RPS6KC1: variants seen among roughly 807,000 people sequenced by gnomAD.
RPS6KC1 encodes ribosomal protein S6 kinase C1, also known as inactive ribosomal protein S6 kinase delta-1.
RPS6KC1 carries 54 observed loss-of-function variants against 103.8 expected under a neutral mutation model. That is an observed-to-expected ratio of 0.52 (90% CI 0.42 to 0.65). The LOEUF (loss-of-function observed/expected upper bound fraction) is 0.65. Among genes scored for constraint, RPS6KC1 ranks in the 30% least tolerant of loss-of-function variants. The pLI, the probability that RPS6KC1 is intolerant of heterozygous loss-of-function variation, is 0.00. For missense variants in RPS6KC1, 1,151 were observed against 1,253.8 expected, an observed-to-expected ratio of 0.92 and a Z score of 1.24; for synonymous variants, 439 against 438.7, an observed-to-expected ratio of 1.00 and a Z score of -0.01.
chr1:213,199,970 C>T (rs1270594947), intron 8 of RPS6KC1, among the ~76,000 whole-genome samples: 1 of 152,126 alleles, frequency 6.6e-6, no homozygotes, highest in Non-Finnish European at 1.5e-5. Context: ...TAAGCCATTG[C>T]TCAAATAAAT....
chr1:213,755,409 C>G, the RPS6KC1 span, among the ~76,000 whole-genome samples: 3 of 152,318 alleles, frequency 2.0e-5, no homozygotes, highest in East Asian at 3.9e-4. Context: ...GTCCTGCCTC[C>G]CATTGGTCAA....
intron 4 of RPS6KC1, among the ~76,000 whole-genome samples, chr1:213,110,303 C>T (rs1365816554): frequency 6.6e-6 from 1 of 152,022 alleles, no homozygotes; most frequent in Non-Finnish European, 1.5e-5. Flanking sequence ...GTTGGAAAAT[C>T]TATATTTTGG....
chr1:213,072,987 G>C, intron 2 of RPS6KC1: 1 of 803,774 alleles, frequency 1.2e-6, no homozygotes, highest in Non-Finnish European at 1.5e-6. Flanking sequence ...GAAAACTCTT[G>C]TAAGTGTCTT....
At chr1:213,457,634 C>G in the RPS6KC1 span, among the ~76,000 whole-genome samples, 1 of 152,120 alleles carries the variant, frequency 6.6e-6, no homozygotes, top group African/African-American at 2.4e-5. Context: ...TAAGTAGAAG[C>G]CTGTTTAATT....
chr1:213,164,254 G>A (rs1307929752), intron 6 of RPS6KC1, among the ~76,000 whole-genome samples: 4 of 152,154 alleles, frequency 2.6e-5, no homozygotes, highest in African/African-American at 7.2e-5. Context: ...TCTGGATTCC[G>A]TTATCTGTAT....
chr1:213,767,625 G>T, the RPS6KC1 span, among the ~76,000 whole-genome samples: 7 of 152,188 alleles, frequency 4.6e-5, no homozygotes, highest in Non-Finnish European at 7.3e-5. Context: ...CAAGGGCCCT[G>T]TTCTAAGGGA....
At chr1:213,724,859 C>T in the RPS6KC1 span, among the ~76,000 whole-genome samples, 10 of 152,300 alleles carry the variant, frequency 6.6e-5, no homozygotes, top group Middle Eastern at 0.01. Flanking sequence ...CTTATGCATC[C>T]TCCCAACAGT....
the RPS6KC1 span, among the ~76,000 whole-genome samples, chr1:213,612,750 T>C: frequency 1.3e-5 from 2 of 152,210 alleles, no homozygotes; most frequent in African/African-American, 4.8e-5. Context: ...CATATTAAAA[T>C]AACCACTTGG....
At chr1:213,519,340 C>T in the RPS6KC1 span, among the ~76,000 whole-genome samples, 12 of 152,092 alleles carry the variant, frequency 7.9e-5, no homozygotes, top group South Asian at 1.4e-3. Flanking sequence ...TCTCCCACAC[C>T]GAGCTTATAA....
the RPS6KC1 span, among the ~76,000 whole-genome samples, chr1:213,470,227 A>C: frequency 6.6e-6 from 1 of 152,112 alleles, no homozygotes; most frequent in East Asian, 1.9e-4. Flanking sequence ...TGCTTTCCTC[A>C]TCCTTCTTTT....
chr1:213,741,961 A>G, the RPS6KC1 span, among the ~76,000 whole-genome samples: 61 of 152,222 alleles, frequency 4.0e-4, no homozygotes, highest in African/African-American at 1.1e-3. Context: ...AAAAATAAAT[A>G]CCAGAAATGT....
the RPS6KC1 span, among the ~76,000 whole-genome samples, chr1:213,718,910 T>G: frequency 3.0e-4 from 45 of 152,332 alleles, no homozygotes; most frequent in African/African-American, 6.7e-4. Flanking sequence ...GTGCGTTGAC[T>G]GCACTTTGAG....
chr1:213,567,918 T>C, the RPS6KC1 span, among the ~76,000 whole-genome samples: 2 of 152,224 alleles, frequency 1.3e-5, no homozygotes, highest in Non-Finnish European at 2.9e-5. Flanking sequence ...CCTTGTCCTG[T>C]AATAACTTTA....
At chr1:213,282,786 A>C in the RPS6KC1 span, among the ~76,000 whole-genome samples, 1 of 152,238 alleles carries the variant, frequency 6.6e-6, no homozygotes, top group African/African-American at 2.4e-5. Flanking sequence ...AACACTGTCC[A>C]AGGCATGGAG....
chr1:213,486,535 A>C, the RPS6KC1 span, among the ~76,000 whole-genome samples: 11 of 152,120 alleles, frequency 7.2e-5, no homozygotes, highest in Non-Finnish European at 1.6e-4. Flanking sequence ...CAGGCAAAGA[A>C]AGGTGATGTT....
the RPS6KC1 span, among the ~76,000 whole-genome samples, chr1:213,454,096 A>G: frequency 3.2e-4 from 49 of 152,030 alleles, no homozygotes; most frequent in South Asian, 0.01. Context: ...ATGAGTAATT[A>G]CGTTTTGGGG....
the RPS6KC1 span, among the ~76,000 whole-genome samples, chr1:213,485,890 TG>T: frequency 3.3e-5 from 5 of 152,214 alleles, no homozygotes; most frequent in Non-Finnish European, 7.3e-5. Flanking sequence ...GAAAAAAATG[TG>T]TGGCAGAGTC....
the RPS6KC1 span, among the ~76,000 whole-genome samples, chr1:213,535,483 G>A: frequency 0.015 from 2,256 of 152,238 alleles, 27 homozygotes; most frequent in South Asian, 0.031. Context: ...CTGGGGCCCT[G>A]GGAGCCCCTC....
the RPS6KC1 span, among the ~76,000 whole-genome samples, chr1:213,283,524 A>G: frequency 6.6e-6 from 1 of 152,212 alleles, no homozygotes; most frequent in Admixed American, 6.5e-5. Context: ...AGAACCCCAA[A>G]TAGCCAACTG....
Sources: allele counts gnomAD v4.1 joint callset (sites outside exome capture counted in the v4.1 genomes callset), GRCh38; gene constraint gnomAD v4.1.1; transcripts MANE v1.5; gene names NCBI Gene and HGNC (gene_info 2026-07-23, HGNC 2026-07-21).